The following SLC24A3 variants were observed in gnomAD, a reference collection of about 807,000 sequenced individuals.
The protein encoded by SLC24A3 is solute carrier family 24 member 3, also known as sodium/potassium/calcium exchanger 3.
Under a neutral mutation model 75.8 loss-of-function variants are expected in SLC24A3, and 28 were observed. The observed-to-expected ratio is 0.37, with a 90% CI of 0.27 to 0.51. The LOEUF (loss-of-function observed/expected upper bound fraction) is 0.51, where lower values mean the gene tolerates loss of function less well. Ranked by LOEUF, SLC24A3 falls within the 20% of genes least tolerant of loss-of-function variation. The probability of loss-of-function intolerance (pLI) is 0.94; values close to 1 mark genes in which losing one functional copy is unlikely to be tolerated. For missense variants in SLC24A3, 663 were observed against 847.8 expected, an observed-to-expected ratio of 0.78 and a Z score of 2.71; for synonymous variants, 372 against 334.1, an observed-to-expected ratio of 1.11 and a Z score of -1.24.
chr20:19,455,834 G>C (rs941158702), intron 2 of SLC24A3, among the ~76,000 whole-genome samples: 2 of 152,212 alleles, frequency 1.3e-5, no homozygotes, highest in Non-Finnish European at 2.9e-5. Context: ...GAAGATGGAG[G>C]CTAAATAATT....
At chr20:19,515,835 T>G (rs2029977257) in intron 3 of SLC24A3, among the ~76,000 whole-genome samples, 1 of 152,228 alleles carries the variant, frequency 6.6e-6, no homozygotes, top group South Asian at 2.1e-4. Context: ...TCTCCATGAC[T>G]TAACCCTACT....
chr20:19,627,781 A>G (rs759385067), intron 6 of SLC24A3, among the ~76,000 whole-genome samples: 4 of 152,234 alleles, frequency 2.6e-5, no homozygotes, highest in Non-Finnish European at 4.4e-5. Flanking sequence ...TATCACATTC[A>G]TTGAACAAGT....
Position 19,346,157 on chromosome 20 carries a change from G to GGTGT in SLC24A3, c.271+65071_271+65074dup, listed in dbSNP as rs1278038856. ...ATATATGGTGTGTGTATATATATAT[G>GGTGT]GTGTATATATATGGTATATATATAT... On this transcript the variant is annotated intron_variant, in intron 2 of 16. Transcript: ENST00000328041. 1.3e-4 allele frequency among the ~76,000 whole-genome samples: 6 copies of GGTGT among 45,918 alleles called. 1 individual carries two copies. The highest frequency in any genetic ancestry group is 9.2e-4 in the Admixed American group (3 of 3,256). 30.1% of individuals were successfully genotyped at this position (45,918 alleles called of 152,430 possible). A position where few individuals can be genotyped will look rare whatever the true frequency, so the allele number is the denominator to read the frequency against.
chr20:19,682,136 TC>T, intron 10 of SLC24A3, 145 bp downstream of exon 10: 1 of 931,384 alleles, frequency 1.1e-6, no homozygotes, highest in Non-Finnish European at 1.6e-6. Flanking sequence ...AAGCCTGTAA[TC>T]CCAGCTGCAT....
At chr20:19,591,924 A>C (rs1392978066) in intron 6 of SLC24A3, among the ~76,000 whole-genome samples, 1 of 152,146 alleles carries the variant, frequency 6.6e-6, no homozygotes, top group Non-Finnish European at 1.5e-5. Flanking sequence ...ACACAGATGC[A>C]CTCTAGGTCT....
chr20:19,525,884 G>A (rs1214617282), intron 3 of SLC24A3, among the ~76,000 whole-genome samples: 1 of 152,164 alleles, frequency 6.6e-6, no homozygotes, highest in African/African-American at 2.4e-5. Flanking sequence ...GCTGTGCGGT[G>A]AGGATTCACA....
Position 19,410,480 on chromosome 20 carries a change from T to G in SLC24A3, c.272-105008T>G, listed in dbSNP as rs146140812. On this transcript the variant is annotated intron_variant, in intron 2 of 16. Coordinates refer to ENST00000328041, the MANE Select transcript of SLC24A3 (RefSeq NM_020689.4). ...TCAGGCTATCTCACCACAAGGAAGG[T>G]GGTCAGAGAAAGAGAACACTCAGGG... is the stretch of plus-strand genomic sequence containing the variant. 2.4e-3 allele frequency among the ~76,000 whole-genome samples: 371 copies of G among 152,194 alleles called. 1 individual carries two copies. Among genetic ancestry groups the G allele is most frequent in the African/African-American group, 8.6e-3 (356 of 41,536 alleles).
intron 6 of SLC24A3, among the ~76,000 whole-genome samples, chr20:19,587,315 C>G (rs1481865244): frequency 6.6e-6 from 1 of 152,154 alleles, no homozygotes. Context: ...GCATGTGTGG[C>G]TCATCACTCA....
At chr20:19,408,943 T>C (rs1429531992) in intron 2 of SLC24A3, among the ~76,000 whole-genome samples, 5 of 152,254 alleles carry the variant, frequency 3.3e-5, no homozygotes, top group African/African-American at 1.2e-4. Flanking sequence ...GAGCTCCTGC[T>C]GTATGCTTTC....
intron 2 of SLC24A3, among the ~76,000 whole-genome samples, chr20:19,465,801 G>A (rs1025094804): frequency 2.0e-5 from 3 of 152,186 alleles, no homozygotes; most frequent in African/African-American, 7.2e-5. Flanking sequence ...CTCTGGGCTT[G>A]TGCTTCTACC....
At chr20:19,395,425 ACT>A (rs539150897) in intron 2 of SLC24A3, among the ~76,000 whole-genome samples, 6 of 152,114 alleles carry the variant, frequency 3.9e-5, no homozygotes, top group Non-Finnish European at 8.8e-5. Context: ...TTGGTATATA[ACT>A]CTGTCTAGTT....
intron 6 of SLC24A3, among the ~76,000 whole-genome samples, chr20:19,622,160 C>A (rs932442760): frequency 6.6e-6 from 1 of 152,124 alleles, no homozygotes; most frequent in Non-Finnish European, 1.5e-5. Flanking sequence ...CCTTCAGGAA[C>A]TTGAAAGGAG....
chr20:19,405,293 T>G (rs1270877842), intron 2 of SLC24A3, among the ~76,000 whole-genome samples: 1 of 152,176 alleles, frequency 6.6e-6, no homozygotes, highest in African/African-American at 2.4e-5. Context: ...GGGATTCTCA[T>G]GTTGGTGCTT....
At chr20:19,700,646 T>C (rs1249802208) in intron 15 of SLC24A3, among the ~76,000 whole-genome samples, 1 of 152,234 alleles carries the variant, frequency 6.6e-6, no homozygotes, top group African/African-American at 2.4e-5. Context: ...TATTTTTCTT[T>C]CTCTAGGTTA....
At chr20:19,222,783 C>CCCTCCCTCCCTTCCTTCCTT (rs759160442) in intron 1 of SLC24A3, among the ~76,000 whole-genome samples, 12 of 75,862 alleles carry the variant, frequency 1.6e-4, no homozygotes, top group African/African-American at 4.3e-4. Flanking sequence ...TCCCCTCCCT[C>CCCTCCCTCCCTTCCTTCCTT]CCTTCCTTCC....
chr20:19,340,610 G>A (rs552429412), intron 2 of SLC24A3, among the ~76,000 whole-genome samples: 12 of 152,304 alleles, frequency 7.9e-5, no homozygotes, highest in African/African-American at 2.9e-4. Flanking sequence ...GGGAGGAAGA[G>A]TGGGGTGAAG....
intron 3 of SLC24A3, among the ~76,000 whole-genome samples, chr20:19,562,163 T>G (rs1203344343): frequency 1.3e-5 from 2 of 152,164 alleles, no homozygotes; most frequent in African/African-American, 2.4e-5. Context: ...ACTGGAAGCA[T>G]GATTAAATTT....
chr20:19,291,446 AC>A (rs1983939336), intron 2 of SLC24A3, among the ~76,000 whole-genome samples: 1 of 152,148 alleles, frequency 6.6e-6, no homozygotes, highest in Non-Finnish European at 1.5e-5. Flanking sequence ...CCACGGCCAC[AC>A]CTCGGTTTGT....
chr20:19,327,134 G>A (rs1341292778), intron 2 of SLC24A3, among the ~76,000 whole-genome samples: 1 of 152,138 alleles, frequency 6.6e-6, no homozygotes, highest in Admixed American at 6.5e-5. Flanking sequence ...CAAACACCTG[G>A]AAGGTAATTT....
Sources: gnomAD v4.1 joint callset for allele counts (sites outside exome capture counted in the v4.1 genomes callset) on GRCh38, gnomAD v4.1.1 for gene constraint, MANE v1.5 for transcripts, NCBI Gene and HGNC (gene_info 2026-07-23, HGNC 2026-07-21) for gene names.